The following CNTNAP2 variants were observed in gnomAD, a reference collection of about 807,000 sequenced individuals.
CNTNAP2 encodes contactin-associated protein-like 2.
Under a neutral mutation model 155.2 loss-of-function variants are expected in CNTNAP2, and 98 were observed. The ratio of observed to expected loss-of-function variants is 0.63; its 90% CI spans 0.54 to 0.75. CNTNAP2 has a LOEUF of 0.75. Ranked by LOEUF, CNTNAP2 falls within the 30% of genes least tolerant of loss-of-function variation. The pLI, the probability that CNTNAP2 is intolerant of heterozygous loss-of-function variation, is 0.00. For missense variants in CNTNAP2, 1,727 were observed against 1,688.1 expected, an observed-to-expected ratio of 1.02 and a Z score of -0.40; for synonymous variants, 651 against 631.2, an observed-to-expected ratio of 1.03 and a Z score of -0.47.
chr7:147,429,354 A>G (rs1797430637), intron 10 of CNTNAP2, among the ~76,000 whole-genome samples: 1 of 151,960 alleles, frequency 6.6e-6, no homozygotes, highest in African/African-American at 2.4e-5. Context: ...GCAAGTTTTC[A>G]TATATTTGTT....
intron 18 of CNTNAP2, among the ~76,000 whole-genome samples, chr7:148,178,883 T>C (rs1794988205): frequency 6.6e-6 from 1 of 152,230 alleles, no homozygotes; most frequent in African/African-American, 2.4e-5. Flanking sequence ...AATCCTTCCC[T>C]AATAGCTTTA....
intron 1 of CNTNAP2, among the ~76,000 whole-genome samples, chr7:146,756,786 C>T (rs754944116): frequency 1.4e-4 from 21 of 151,858 alleles, no homozygotes; most frequent in Non-Finnish European, 2.1e-4. Flanking sequence ...CTGTTCTTAG[C>T]GCATTTGAAA....
At chr7:147,036,181 A>T (rs894783509) in intron 3 of CNTNAP2, among the ~76,000 whole-genome samples, 13 of 151,762 alleles carry the variant, frequency 8.6e-5, no homozygotes, top group South Asian at 2.1e-4. Flanking sequence ...TGTATTTTTT[A>T]AAAAAAGGAA....
intron 8 of CNTNAP2, among the ~76,000 whole-genome samples, chr7:147,145,531 T>A (rs2129288245): frequency 6.6e-6 from 1 of 152,206 alleles, no homozygotes; most frequent in African/African-American, 2.4e-5. Context: ...ACTCTGGAAG[T>A]TGAGTGCCCC....
intron 10 of CNTNAP2, among the ~76,000 whole-genome samples, chr7:147,410,473 T>C (rs1223251484): frequency 6.6e-6 from 1 of 152,136 alleles, no homozygotes; most frequent in Non-Finnish European, 1.5e-5. Context: ...AAATAATCTG[T>C]ACAACAAACA....
intron 1 of CNTNAP2, among the ~76,000 whole-genome samples, chr7:146,349,807 T>G (rs1354560279): frequency 6.6e-6 from 1 of 152,164 alleles, no homozygotes; most frequent in East Asian, 1.9e-4. Context: ...CCCACTCTCT[T>G]CTGGCTTGTA....
chr7:148,194,880 A>G (rs1374349251), intron 18 of CNTNAP2, among the ~76,000 whole-genome samples: 1 of 152,118 alleles, frequency 6.6e-6, no homozygotes, highest in Non-Finnish European at 1.5e-5. Context: ...ATTGAATACT[A>G]ATTTATGGCA....
intron 9 of CNTNAP2, among the ~76,000 whole-genome samples, chr7:147,380,932 G>A (rs1280881713): frequency 6.6e-6 from 1 of 151,854 alleles, no homozygotes; most frequent in Non-Finnish European, 1.5e-5. Context: ...AAAATATATA[G>A]ACTTTCAAAA....
chr7:148,118,438 T>G, intron 16 of CNTNAP2, 150 bp downstream of exon 16: 1 of 852,950 alleles, frequency 1.2e-6, no homozygotes. Flanking sequence ...CAAGCCTGAG[T>G]TTGGGCTCCA....
At chr7:146,562,410 A>C (rs1280868638) in intron 1 of CNTNAP2, among the ~76,000 whole-genome samples, 1 of 152,180 alleles carries the variant, frequency 6.6e-6, no homozygotes, top group Non-Finnish European at 1.5e-5. Context: ...TTCAATTTTA[A>C]ATACCAAATA....
chr7:147,527,015 C>CTTTTTTTTTTTTTTTTTTTTTT lies in CNTNAP2; in HGVS notation c.1778-35117_1778-35096dup, dbSNP rs888976222. ...CATGAATTATGGAAGACAGGCATTT[C>CTTTTTTTTTTTTTTTTTTTTTT]TTTTTTTTTTTTTTTTTTTTTTTTT... On this transcript the variant is annotated intron_variant, in intron 11 of 23. Transcript: ENST00000361727. Among the ~76,000 whole-genome samples the CTTTTTTTTTTTTTTTTTTTTTT allele has an allele frequency of 1.4e-4, 9 of 65,168 alleles. 1 individual carries two copies. The highest frequency in any genetic ancestry group is 5.5e-4 in the African/African-American group (7 of 12,768). 42.8% of individuals were successfully genotyped at this position (65,168 alleles called of 152,430 possible).
intron 11 of CNTNAP2, among the ~76,000 whole-genome samples, chr7:147,516,412 C>T (rs568011084): frequency 6.6e-6 from 1 of 152,146 alleles, no homozygotes; most frequent in African/African-American, 2.4e-5. Context: ...AATTGCAAAA[C>T]ATTATTAGGG....
chr7:147,275,438 G>A (rs989958957), intron 8 of CNTNAP2, among the ~76,000 whole-genome samples: 2 of 145,696 alleles, frequency 1.4e-5, no homozygotes, highest in African/African-American at 5.0e-5. Context: ...TGTGTGTGTG[G>A]CTATTGTAAG....
chr7:146,774,933 C>A (rs1415402927), intron 2 of CNTNAP2, among the ~76,000 whole-genome samples: 2 of 152,108 alleles, frequency 1.3e-5, no homozygotes, highest in African/African-American at 4.8e-5. Flanking sequence ...TTGTTAGTAA[C>A]TGGCAGTTTC....
At chr7:146,764,058 T>C (rs1355202361) in intron 1 of CNTNAP2, among the ~76,000 whole-genome samples, 1 of 152,192 alleles carries the variant, frequency 6.6e-6, no homozygotes. Context: ...AAATGCTAAC[T>C]TTCAGTTAAC....
intron 9 of CNTNAP2, among the ~76,000 whole-genome samples, chr7:147,329,753 T>G (rs966685846): frequency 6.7e-6 from 1 of 148,514 alleles, no homozygotes; most frequent in Non-Finnish European, 1.5e-5. Flanking sequence ...AGGCACTAGT[T>G]CAGATCGCCA....
At chr7:148,356,225 TA>T (rs141371066) in intron 21 of CNTNAP2, among the ~76,000 whole-genome samples, 9 of 152,024 alleles carry the variant, frequency 5.9e-5, no homozygotes, top group Admixed American at 2.0e-4. Context: ...TTTTAAAATA[TA>T]AAAAAAAGAC....
chr7:147,018,440 A>G (rs1169779690), intron 3 of CNTNAP2, among the ~76,000 whole-genome samples: 2 of 152,084 alleles, frequency 1.3e-5, no homozygotes, highest in African/African-American at 4.8e-5. Context: ...TCAGATTTTA[A>G]CCCATATTGC....
chr7:146,628,453 C>A, intron 1 of CNTNAP2, among the ~76,000 whole-genome samples: 1 of 151,914 alleles, frequency 6.6e-6, no homozygotes, highest in East Asian at 1.9e-4. Context: ...CTATAGTTAA[C>A]AATACATTAT....
Sources: gnomAD v4.1 joint callset for allele counts (sites outside exome capture counted in the v4.1 genomes callset) on GRCh38, gnomAD v4.1.1 for gene constraint, MANE v1.5 for transcripts, NCBI Gene and HGNC (gene_info 2026-07-23, HGNC 2026-07-21) for gene names.